HFM1: variants seen among roughly 807,000 people sequenced by gnomAD.
The protein encoded by HFM1 is probable ATP-dependent DNA helicase HFM1.
HFM1 carries 169 observed loss-of-function variants against 192.1 expected under a neutral mutation model. The ratio of observed to expected loss-of-function variants is 0.88; its 90% confidence interval spans 0.78 to 1.00. The LOEUF (loss-of-function observed/expected upper bound fraction) is 1.00, where lower values mean the gene tolerates loss of function less well. Among genes scored for constraint, HFM1 ranks in the 50% least tolerant of loss-of-function variants. The probability of loss-of-function intolerance (pLI) is 0.00; values close to 1 mark genes in which losing one functional copy is unlikely to be tolerated. For missense variants in HFM1, 1,661 were observed against 1,668.0 expected (o/e 1.00, Z 0.07); for synonymous variants, 525 against 537.8 (o/e 0.98, Z 0.33).
At chr1:91,264,527 C>T (rs1215215238) in intron 36 of HFM1, among the ~76,000 whole-genome samples, 1 of 148,892 alleles carries the variant, frequency 6.7e-6, no homozygotes, top group Non-Finnish European at 1.5e-5. Context: ...CGCCCGCCAT[C>T]ACGCCCGGCT....
Position 91,375,746 on chromosome 1 carries a change from T to C in HFM1, c.1396-19A>G, listed in dbSNP as rs189815869. ...CTGCAATCTTTGAAACACAAAAATA[T>C]GTGCATTAAAATTTTCTTCTAGTAA... On this transcript the variant is annotated intron_variant, in intron 11 of 38. Coordinates refer to ENST00000370425, the MANE Select transcript of HFM1 (RefSeq NM_001017975.6). 1.8e-4 allele frequency: 285 copies of C among 1,605,680 alleles called. No individual in the cohort carries two copies. In the Middle Eastern group the frequency reaches 1.8e-3, roughly 10 times the overall value.
chr1:91,370,855 G>C (rs906307818), intron 13 of HFM1, among the ~76,000 whole-genome samples: 11 of 152,146 alleles, frequency 7.2e-5, no homozygotes, highest in Non-Finnish European at 1.3e-4. Context: ...TGTTCCCAGC[G>C]CAAAATCTCC....
At chr1:91,380,338 G>C (rs1391664602) in intron 7 of HFM1, 102 bp from the exon 8 acceptor site, 3 of 688,754 alleles carry the variant, frequency 4.4e-6, no homozygotes, top group Non-Finnish European at 4.5e-6. Flanking sequence ...AGGAATAATA[G>C]TTCAAACATT....
chr1:91,385,201 G>T lies in HFM1; in HGVS notation c.788C>A (p.Ala263Asp). Residue 263 changes from alanine to aspartate, a missense_variant, in exon 6 of 39, where the codon GCT (alanine) becomes GAT (aspartate). Transcript: ENST00000370425. ...TTAAAGGATACGAATTTCTGTGACA[G>T]CCTTCAAGGAACCTAAACCATTTTC... ...VTENGLGSLK[A>D]VTEIPAKFRS... The T allele has an allele frequency of 1.3e-6, 2 of 1,560,346 alleles. No individual in the cohort carries two copies. Among genetic ancestry groups the T allele is most frequent in the South Asian group, 1.2e-5 (1 of 86,414 alleles).
intron 13 of HFM1, among the ~76,000 whole-genome samples, chr1:91,371,262 G>A (rs890631223): frequency 2.7e-4 from 41 of 150,638 alleles, no homozygotes; most frequent in African/African-American, 7.3e-4. Flanking sequence ...ACATGGAACC[G>A]AAAAAGAGCC....
rs576893137 is a variant in HFM1, at chr1:91,323,808, CTT to C, written c.2428-611_2428-610del. On this transcript the variant is annotated intron_variant, in intron 21 of 38. Coordinates refer to ENST00000370425, the MANE Select transcript of HFM1 (RefSeq NM_001017975.6). ...ATGTTAATAGTGGGTGTTTTCGACT[CTT>C]GATTTCTCCTTAGTTAAGAATAATG... Among the ~76,000 whole-genome samples the C allele has an allele frequency of 7.0e-3, 1,061 of 152,222 alleles. 4 individuals carry two copies. Among genetic ancestry groups the C allele is most frequent in the Non-Finnish European group, 0.011 (780 of 67,988 alleles).
chr1:91,396,257 T>C (rs1402537448), intron 3 of HFM1, 36 bp downstream of exon 3: 6 of 1,021,218 alleles, frequency 5.9e-6, no homozygotes, highest in Middle Eastern at 3.1e-4. Flanking sequence ...ATGAACTGTA[T>C]GGGTTTGGCT....
intron 30 of HFM1, among the ~76,000 whole-genome samples, chr1:91,297,403 C>A (rs1647819764): frequency 6.6e-6 from 1 of 152,224 alleles, no homozygotes; most frequent in African/African-American, 2.4e-5. Context: ...GAAACATCTG[C>A]AGACTTAAAT....
chr1:91,332,874 G>T (rs1162702422), intron 20 of HFM1, among the ~76,000 whole-genome samples: 1 of 152,174 alleles, frequency 6.6e-6, no homozygotes, highest in Non-Finnish European at 1.5e-5. Flanking sequence ...GATCATCAGA[G>T]AAATGCAAAT....
At position 91,323,000 on chromosome 1, in the gene HFM1, G is replaced by T. The variant is rs1056818361; in HGVS notation, c.2535-3C>A. 7 of 1,376,396 alleles carry T rather than the reference G, an allele frequency of 5.1e-6. No individual in the cohort carries two copies. The highest frequency in any genetic ancestry group is 6.8e-6 in the Non-Finnish European group (7 of 1,024,792). 85.3% of individuals were successfully genotyped at this position (1,376,396 alleles called of 1,614,324 possible). ...TAATTCTTCCTTCCATTGGAAATCT[G>T]TAAATAAAACCACATGGCAAAACAT... is the stretch of plus-strand genomic sequence containing the variant. On this transcript the variant is annotated splice_polypyrimidine_tract_variant and splice_region_variant and intron_variant, in intron 22 of 38. Transcript: ENST00000370425.
intron 30 of HFM1, among the ~76,000 whole-genome samples, chr1:91,289,669 G>A (rs1668484638): frequency 6.6e-6 from 1 of 152,086 alleles, no homozygotes; most frequent in South Asian, 2.1e-4. Context: ...AGACCAGCCC[G>A]GCCAACACAG....
chr1:91,374,818 T>A (rs2101959752), intron 13 of HFM1, among the ~76,000 whole-genome samples: 1 of 152,246 alleles, frequency 6.6e-6, no homozygotes, highest in African/African-American at 2.4e-5. Flanking sequence ...TTCATAGACA[T>A]GCATAAATAT....
chr1:91,328,978 C>T (rs1193002658), intron 20 of HFM1: 5 of 1,612,460 alleles, frequency 3.1e-6, no homozygotes, highest in Non-Finnish European at 4.2e-6. Flanking sequence ...CCAGTGAAGC[C>T]AAAAAGCTGC....
chr1:91,379,061 A>G lies in HFM1; in HGVS notation c.1158+2T>C. On this transcript the variant is annotated splice_donor_variant, in intron 9 of 38. Transcript: ENST00000370425. LOFTEE classifies it high-confidence loss of function. ...AAATCATAAAGTATAAATAATACCT[A>G]CTGGAGTTGTCATAATAATATGGGC... The G allele has an allele frequency of 1.3e-6, 2 of 1,535,316 alleles. No individual in the cohort carries two copies. Among genetic ancestry groups the G allele is most frequent in the Non-Finnish European group, 1.8e-6 (2 of 1,135,652 alleles).
intron 30 of HFM1, among the ~76,000 whole-genome samples, chr1:91,303,440 G>C (rs1265999861): frequency 6.6e-6 from 1 of 152,092 alleles, no homozygotes; most frequent in Non-Finnish European, 1.5e-5. Flanking sequence ...GTTGTTTCCA[G>C]TTTGGGCTAT....
intron 30 of HFM1, among the ~76,000 whole-genome samples, chr1:91,303,775 C>T (rs980148466): frequency 2.0e-5 from 3 of 152,196 alleles, no homozygotes; most frequent in African/African-American, 7.2e-5. Flanking sequence ...TGTAGAGCAT[C>T]TTTTCATATG....
rs373151842 is a variant in HFM1 at position 91,326,613 on chromosome 1, C to T, written c.2336-1847G>A. Among the ~76,000 whole-genome samples the T allele has an allele frequency of 4.6e-5, 7 of 152,108 alleles. No homozygotes were observed. The East Asian group carries it at 1.4e-3, about 29-fold the overall frequency. Reference sequence around the variant, plus strand: ...CCAGACGTGTCCTCTAAGAAATGTTCAAGGAAGCTCTTCAATCTGAAAGAA... The same window carrying T: ...CCAGACGTGTCCTCTAAGAAATGTTTAAGGAAGCTCTTCAATCTGAAAGAA... On this transcript the variant is annotated intron_variant, in intron 20 of 38. Transcript: ENST00000370425.
At chr1:91,316,524 TAAAAC>T in intron 25 of HFM1, 48 bp from the exon 26 acceptor site, 2 of 805,206 alleles carry the variant, frequency 2.5e-6, no homozygotes, top group Non-Finnish European at 3.7e-6. Context: ...GCACTTTAAA[TAAAAC>T]ATATATTTAA....
At chr1:91,332,342 C>A (rs747962001) in intron 20 of HFM1, among the ~76,000 whole-genome samples, 16 of 152,098 alleles carry the variant, frequency 1.1e-4, no homozygotes, top group Non-Finnish European at 2.2e-4. Context: ...GTGCCAAGAA[C>A]ATACATTAGG....
Sources: gnomAD v4.1 joint callset for allele counts (sites outside exome capture counted in the v4.1 genomes callset) on GRCh38, gnomAD v4.1.1 for gene constraint, MANE v1.5 for transcripts, NCBI Gene and HGNC (gene_info 2026-07-23, HGNC 2026-07-21) for gene names.